Variants in WDPCP observed in about 807,000 individuals in gnomAD.
The protein encoded by WDPCP is WD repeat containing planar cell polarity effector, also known as WD repeat-containing and planar cell polarity effector protein fritz homolog.
A neutral mutation model predicts 93.1 loss-of-function variants in WDPCP; 71 were observed. The ratio of observed to expected loss-of-function variants is 0.76; its 90% CI spans 0.63 to 0.93. WDPCP has a LOEUF of 0.93. Ranked by LOEUF, WDPCP falls within the 40% of genes least tolerant of loss-of-function variation. The probability of loss-of-function intolerance (pLI) is 0.00; values close to 1 mark genes in which losing one functional copy is unlikely to be tolerated. For missense variants in WDPCP, 844 were observed against 887.4 expected (o/e 0.95, Z 0.62); for synonymous variants, 315 against 315.0 (o/e 1.00, Z 0.00).
intron 13 of WDPCP, among the ~76,000 whole-genome samples, chr2:63,270,830 C>T (rs1020581810): frequency 2.6e-5 from 4 of 152,184 alleles, no homozygotes; most frequent in Admixed American, 2.0e-4. Flanking sequence ...AGGGACTTCT[C>T]GGAGTCCATG....
At chr2:63,274,348 C>T (rs900278623) in intron 13 of WDPCP, among the ~76,000 whole-genome samples, 2 of 151,974 alleles carry the variant, frequency 1.3e-5, no homozygotes, top group African/African-American at 4.8e-5. Context: ...CAAAGCAGTG[C>T]TAAGAAGTAC....
At chr2:63,610,138 A>G (rs184473187) in intron 3 of WDPCP, among the ~76,000 whole-genome samples, 32 of 152,256 alleles carry the variant, frequency 2.1e-4, no homozygotes, top group African/African-American at 7.0e-4. Context: ...TTGTGTCTTC[A>G]AGCAGCATGA....
At chr2:63,213,552 C>T (rs543584401) in intron 14 of WDPCP, among the ~76,000 whole-genome samples, 2 of 152,106 alleles carry the variant, frequency 1.3e-5, no homozygotes, top group African/African-American at 4.8e-5. Flanking sequence ...CCTAACATCA[C>T]AATTAAACGA....
chr2:63,836,923 C>A, the WDPCP span, among the ~76,000 whole-genome samples: 5 of 152,144 alleles, frequency 3.3e-5, no homozygotes, highest in Non-Finnish European at 5.9e-5. Flanking sequence ...CTTTTAAAAC[C>A]ACTTAGAAGA....
At chr2:63,683,355 T>A (rs886413020) in intron 2 of WDPCP, among the ~76,000 whole-genome samples, 1 of 151,964 alleles carries the variant, frequency 6.6e-6, no homozygotes, top group African/African-American at 2.4e-5. Flanking sequence ...AAGAAACACA[T>A]TTCATCTATA....
chr2:63,706,779 G>T (rs1156328335), intron 2 of WDPCP, among the ~76,000 whole-genome samples: 1 of 151,204 alleles, frequency 6.6e-6, no homozygotes, highest in Non-Finnish European at 1.5e-5. Context: ...ACCGCGCCCG[G>T]CTAATTTTTT....
At chr2:63,174,346 A>G (rs1412277852) in intron 15 of WDPCP, among the ~76,000 whole-genome samples, 3 of 152,072 alleles carry the variant, frequency 2.0e-5, no homozygotes, top group African/African-American at 7.2e-5. Flanking sequence ...TATAATTCAA[A>G]CTACATATTC....
intron 15 of WDPCP, among the ~76,000 whole-genome samples, chr2:63,157,366 T>C: frequency 6.6e-6 from 1 of 152,074 alleles, no homozygotes; most frequent in Non-Finnish European, 1.5e-5. Flanking sequence ...GCTTGATATC[T>C]TTTTTTGTAC....
intron 3 of WDPCP, among the ~76,000 whole-genome samples, chr2:63,621,816 A>C (rs1709740476): frequency 6.6e-6 from 1 of 152,196 alleles, no homozygotes. Context: ...TCAGACTACC[A>C]GTGGATCTGC....
chr2:63,179,237 A>G (rs1167468217), intron 14 of WDPCP, among the ~76,000 whole-genome samples: 2 of 150,914 alleles, frequency 1.3e-5, no homozygotes, highest in Non-Finnish European at 3.0e-5. Flanking sequence ...GAGACTGGGT[A>G]ATTTATAAAG....
At chr2:63,630,660 A>G (rs1709854828) in intron 3 of WDPCP, among the ~76,000 whole-genome samples, 1 of 152,336 alleles carries the variant, frequency 6.6e-6, no homozygotes, top group Non-Finnish European at 1.5e-5. Context: ...ATAGACAAAT[A>G]CACAATCATA....
At chr2:63,470,413 C>T (rs919961321) in intron 6 of WDPCP, among the ~76,000 whole-genome samples, 2 of 152,294 alleles carry the variant, frequency 1.3e-5, no homozygotes, top group Middle Eastern at 3.4e-3. Flanking sequence ...ATCTTCCCCA[C>T]ATCAGTAAAT....
intron 15 of WDPCP, among the ~76,000 whole-genome samples, chr2:63,167,619 G>A (rs1009108016): frequency 2.0e-5 from 3 of 152,100 alleles, no homozygotes; most frequent in African/African-American, 7.2e-5. Flanking sequence ...ATTGGAGAGT[G>A]TTTGTAATAT....
At chr2:63,766,914 G>A (rs923087945) in intron 2 of WDPCP, among the ~76,000 whole-genome samples, 6 of 151,964 alleles carry the variant, frequency 3.9e-5, no homozygotes, top group African/African-American at 9.6e-5. Flanking sequence ...CTTCTATCCC[G>A]AGCCCATGGA....
At chr2:63,764,576 A>T (rs75033269) in intron 2 of WDPCP, among the ~76,000 whole-genome samples, 3,451 of 152,314 alleles carry the variant, frequency 0.023, 41 homozygotes, top group East Asian at 0.034. Context: ...GTAAGTGATT[A>T]AAAAAGCACA....
rs565334704 is a variant in WDPCP at position 63,789,310 on chromosome 2, T to A, written n.308+24312A>T. On this transcript the variant is annotated intron_variant and non_coding_transcript_variant, in intron 2 of 4. Transcript: ENST00000467687. ...ACCAATTTTGGTCTGCAATTAAGTA[T>A]TTTTTTTCTTAGCAAGGGCCCCCAA... Among the ~76,000 whole-genome samples the A allele has an allele frequency of 9.4e-4, 143 of 152,128 alleles. 2 individuals are homozygous for A. Among genetic ancestry groups the A allele is most frequent in the African/African-American group, 3.3e-3 (135 of 41,516 alleles).
intron 17 of WDPCP, among the ~76,000 whole-genome samples, chr2:63,124,781 G>A (rs780992736): frequency 2.6e-5 from 4 of 152,128 alleles, no homozygotes; most frequent in Non-Finnish European, 4.4e-5. Context: ...AGATGAACAA[G>A]TTGAGGCTCA....
intron 2 of WDPCP, among the ~76,000 whole-genome samples, chr2:63,703,370 C>T (rs1207346447): frequency 6.6e-6 from 1 of 152,092 alleles, no homozygotes; most frequent in Non-Finnish European, 1.5e-5. Flanking sequence ...TCTCCACATC[C>T]TCTCCAGCAC....
At chr2:63,481,573 G>A (rs1414212676) in intron 6 of WDPCP, among the ~76,000 whole-genome samples, 1 of 152,026 alleles carries the variant, frequency 6.6e-6, no homozygotes, top group African/African-American at 2.4e-5. Flanking sequence ...AAAAAGCAAT[G>A]AAATAATGGC....
Sources: gnomAD v4.1 joint callset for allele counts (sites outside exome capture counted in the v4.1 genomes callset) on GRCh38, gnomAD v4.1.1 for gene constraint, MANE v1.5 for transcripts, NCBI Gene and HGNC (gene_info 2026-07-23, HGNC 2026-07-21) for gene names.